Variants in TMC1 observed in about 807,000 individuals in gnomAD.
TMC1 encodes the protein transmembrane channel like 1.
In TMC1, 84 loss-of-function variants were observed where a neutral mutation model predicts 105.8. That is an observed-to-expected ratio of 0.79 (90% confidence interval 0.67 to 0.95). TMC1 has a LOEUF of 0.95. Ranked by LOEUF, TMC1 falls within the 40% of genes least tolerant of loss-of-function variation. The probability of loss-of-function intolerance (pLI) is 0.00; values close to 1 mark genes in which losing one functional copy is unlikely to be tolerated. For missense variants in TMC1, 817 were observed against 914.1 expected (o/e 0.89, Z 1.37); for synonymous variants, 315 against 311.5 (o/e 1.01, Z -0.12).
intron 6 of TMC1, among the ~76,000 whole-genome samples, chr9:72,691,732 A>G (rs1826469816): frequency 6.6e-6 from 1 of 152,000 alleles, no homozygotes; most frequent in Non-Finnish European, 1.5e-5. Context: ...GGTCCTGTCC[A>G]TGCCCTGAGA....
chr9:72,798,370 T>C (rs1190710302), intron 17 of TMC1, among the ~76,000 whole-genome samples: 1 of 152,144 alleles, frequency 6.6e-6, no homozygotes, highest in Non-Finnish European at 1.5e-5. Context: ...ACTGGGTATA[T>C]ACCCAGAGGT....
chr9:72,755,999 C>T (rs1266884006), intron 12 of TMC1, among the ~76,000 whole-genome samples: 1 of 152,106 alleles, frequency 6.6e-6, no homozygotes, highest in Non-Finnish European at 1.5e-5. Flanking sequence ...GAAGTAAGAA[C>T]CACAGGACCA....
intron 4 of TMC1, among the ~76,000 whole-genome samples, chr9:72,636,951 G>A (rs995293681): frequency 6.6e-6 from 1 of 152,024 alleles, no homozygotes; most frequent in Admixed American, 6.6e-5. Flanking sequence ...AATTCAGAAG[G>A]CAGCCTCCAC....
intron 7 of TMC1, 111 bp downstream of exon 7, chr9:72,694,825 C>T: frequency 9.8e-7 from 1 of 1,015,276 alleles, no homozygotes; most frequent in Non-Finnish European, 1.5e-6. Flanking sequence ...AGAAAGAGAG[C>T]CTTAATCTGA....
At chr9:72,685,124 TGAGACGGAG>T (rs1826356459) in intron 5 of TMC1, among the ~76,000 whole-genome samples, 1 of 112,206 alleles carries the variant, frequency 8.9e-6, no homozygotes, top group African/African-American at 3.5e-5. Context: ...TTTTTTTTTT[TGAGACGGAG>T]TCTTGCTCTT....
intron 5 of TMC1, among the ~76,000 whole-genome samples, chr9:72,652,403 G>A (rs576212374): frequency 5.3e-5 from 8 of 152,220 alleles, no homozygotes; most frequent in Admixed American, 1.3e-4. Flanking sequence ...AGAATGACAA[G>A]GGAAGATGGC....
At chr9:72,814,712 G>A (rs149282147) in intron 18 of TMC1, among the ~76,000 whole-genome samples, 39 of 152,336 alleles carry the variant, frequency 2.6e-4, no homozygotes, top group Non-Finnish European at 5.0e-4. Context: ...GAATAGGAGA[G>A]TAATACTGCC....
At chr9:72,743,236 G>A (rs1205122972) in intron 10 of TMC1, among the ~76,000 whole-genome samples, 9 of 150,434 alleles carry the variant, frequency 6.0e-5, no homozygotes, top group Non-Finnish European at 1.0e-4. Flanking sequence ...GCGTAGTGGC[G>A]GGCGCCTGTA....
At position 72,837,703 on chromosome 9, in the gene TMC1, C is replaced by T. The variant is rs1231103623; in HGVS notation, c.*1730C>T. On this transcript the variant is annotated 3_prime_UTR_variant, in exon 24 of 24. Coordinates refer to ENST00000297784, the MANE Select transcript of TMC1 (RefSeq NM_138691.3). ...GCATAGCTTAACTCAGTGTGCCTTT[C>T]CAAAACTAAGCCAATTTGCTTGCCA... 6.6e-6 allele frequency: 1 copy of T among 152,156 alleles called. No homozygotes were observed. 9.4% of individuals were successfully genotyped at this position (152,156 alleles called of 1,614,324 possible). A position where few individuals can be genotyped will look rare whatever the true frequency, so the allele number is the denominator to read the frequency against.
At chr9:72,820,295 A>C (rs1320627512) in intron 19 of TMC1, among the ~76,000 whole-genome samples, 1 of 152,222 alleles carries the variant, frequency 6.6e-6, no homozygotes, top group Non-Finnish European at 1.5e-5. Context: ...TTCTTTCATT[A>C]AGCAAAAAAC....
At chr9:72,722,592 C>T (rs907626764) in intron 8 of TMC1, among the ~76,000 whole-genome samples, 7 of 152,144 alleles carry the variant, frequency 4.6e-5, no homozygotes, top group Non-Finnish European at 1.0e-4. Flanking sequence ...CCTCAGGGCA[C>T]GAAACGTATC....
chr9:72,746,830 G>C (rs943263481), intron 10 of TMC1, among the ~76,000 whole-genome samples: 1 of 152,128 alleles, frequency 6.6e-6, no homozygotes, highest in African/African-American at 2.4e-5. Context: ...TGCATCACTT[G>C]GGAATACTGT....
In TMC1 at chr9:72,600,036, G is replaced by A. The variant is rs369277389; in HGVS notation, c.-305-16332G>A. Among the ~76,000 whole-genome samples, 9 of 152,154 alleles carry A rather than the reference G, an allele frequency of 5.9e-5. No individual in the cohort carries two copies. In the East Asian group the frequency reaches 7.7e-4, roughly 13 times the overall value. On this transcript the variant is annotated intron_variant, in intron 2 of 23. Transcript: ENST00000297784. ...GGGCTGTCAAGGAAGGCTTTGTGGA[G>A]GTTGTGTAATTGTAGGATGAGGGCC...
chr9:72,567,672 G>T (rs969286254), intron 1 of TMC1, among the ~76,000 whole-genome samples: 1 of 152,086 alleles, frequency 6.6e-6, no homozygotes, highest in African/African-American at 2.4e-5. Context: ...TGATCCGATT[G>T]CCTCTACCTG....
chr9:72,746,536 G>A (rs1223421881), intron 10 of TMC1, among the ~76,000 whole-genome samples: 1 of 152,042 alleles, frequency 6.6e-6, no homozygotes, highest in Non-Finnish European at 1.5e-5. Context: ...CCCACTCTCT[G>A]CTCAGTATCT....
At chr9:72,686,810 G>A (rs1000916547) in intron 5 of TMC1, among the ~76,000 whole-genome samples, 1 of 152,220 alleles carries the variant, frequency 6.6e-6, no homozygotes, top group South Asian at 2.1e-4. Flanking sequence ...CATTTCTGCA[G>A]CAGTCTTCAT....
chr9:72,603,954 C>T (rs1824868404), intron 2 of TMC1, among the ~76,000 whole-genome samples: 1 of 146,344 alleles, frequency 6.8e-6, no homozygotes. Context: ...GCAACTTCTG[C>T]CTCCTGGGTT....
At chr9:72,650,731 C>T (rs573551562) in intron 5 of TMC1, among the ~76,000 whole-genome samples, 126 of 151,288 alleles carry the variant, frequency 8.3e-4, no homozygotes, top group African/African-American at 2.9e-3. Flanking sequence ...CATTATCATA[C>T]TTATAAATGA....
intron 1 of TMC1, among the ~76,000 whole-genome samples, chr9:72,525,327 C>T (rs553897867): frequency 6.6e-6 from 1 of 152,268 alleles, no homozygotes; most frequent in African/African-American, 2.4e-5. Flanking sequence ...GTCACTGCTT[C>T]CTGCCTCTGC....
Sources: gnomAD v4.1 joint callset for allele counts (sites outside exome capture counted in the v4.1 genomes callset) on GRCh38, gnomAD v4.1.1 for gene constraint, MANE v1.5 for transcripts, NCBI Gene and HGNC (gene_info 2026-07-23, HGNC 2026-07-21) for gene names.